CADM2: variants seen among roughly 807,000 people sequenced by gnomAD.
CADM2 encodes immunoglobulin superfamily member 4D.
CADM2 carries 12 observed loss-of-function variants against 49.8 expected under a neutral mutation model. The ratio of observed to expected loss-of-function variants is 0.24; its 90% CI spans 0.15 to 0.39. The LOEUF is 0.39. Among genes scored for constraint, CADM2 ranks in the 10% least tolerant of loss-of-function variants. The pLI, the probability that CADM2 is intolerant of heterozygous loss-of-function variation, is 1.00. For missense variants in CADM2, 378 were observed against 492.3 expected, an observed-to-expected ratio of 0.77 and a Z score of 2.20; for synonymous variants, 214 against 175.4, an observed-to-expected ratio of 1.22 and a Z score of -1.74.
At chr3:85,257,854 A>G (rs2042924412) in intron 1 of CADM2, among the ~76,000 whole-genome samples, 1 of 152,176 alleles carries the variant, frequency 6.6e-6, no homozygotes, top group Non-Finnish European at 1.5e-5. Context: ...GACACAAACC[A>G]AAATTAAAAT....
At chr3:85,497,400 T>G (rs2039949364) in intron 1 of CADM2, among the ~76,000 whole-genome samples, 1 of 152,144 alleles carries the variant, frequency 6.6e-6, no homozygotes, top group African/African-American at 2.4e-5. Flanking sequence ...ATTGGCCTCT[T>G]GCAGTAGCAG....
Position 85,034,790 on chromosome 3 carries a change from C to CTTTTT in CADM2, c.61+75142_61+75146dup, listed in dbSNP as rs1179967499. On this transcript the variant is annotated intron_variant, in intron 1 of 9. Coordinates refer to ENST00000383699, the MANE Select transcript of CADM2 (RefSeq NM_001167675.2). ...TATCTTTTAGATAAAAGACATTTTG[C>CTTTTT]TTTTTTTTTTTTTTTTTTTTTTTTA... 2.3e-3 allele frequency among the ~76,000 whole-genome samples: 191 copies of CTTTTT among 84,056 alleles called. 14 individuals carry two copies. The highest frequency in any genetic ancestry group is 9.8e-3 in the African/African-American group (181 of 18,498). The allele number at this position is 84,056 out of a possible 152,430, so 55.1% of individuals were successfully genotyped here. A position where few individuals can be genotyped will look rare whatever the true frequency, so the allele number is the denominator to read the frequency against.
chr3:85,622,458 T>C (rs369434574), intron 1 of CADM2, among the ~76,000 whole-genome samples: 5 of 152,288 alleles, frequency 3.3e-5, no homozygotes, highest in African/African-American at 1.2e-4. Flanking sequence ...TTAATGAACT[T>C]GTGATAATAG....
At chr3:85,477,316 G>A (rs1205068376) in intron 1 of CADM2, among the ~76,000 whole-genome samples, 3 of 150,114 alleles carry the variant, frequency 2.0e-5, no homozygotes, top group Non-Finnish European at 4.4e-5. Context: ...TCTATTAATA[G>A]TTCTTTACTT....
At chr3:85,107,570 TTC>T (rs1346428102) in intron 1 of CADM2, among the ~76,000 whole-genome samples, 7 of 123,984 alleles carry the variant, frequency 5.6e-5, no homozygotes, top group African/African-American at 1.7e-4. Context: ...TCTTCTCTCT[TTC>T]TCTCTTTCTT....
intron 6 of CADM2, among the ~76,000 whole-genome samples, chr3:85,933,638 A>G (rs1720863868): frequency 6.6e-6 from 1 of 152,158 alleles, no homozygotes; most frequent in East Asian, 1.9e-4. Flanking sequence ...CAAGATATGC[A>G]AAGTGAGTCA....
intron 1 of CADM2, among the ~76,000 whole-genome samples, chr3:85,390,047 A>G (rs2034443965): frequency 6.6e-6 from 1 of 152,076 alleles, no homozygotes; most frequent in South Asian, 2.1e-4. Context: ...TACATATAAG[A>G]AGGAATAAAA....
chr3:85,084,996 A>G (rs1267914261), intron 1 of CADM2, among the ~76,000 whole-genome samples: 6 of 152,140 alleles, frequency 3.9e-5, no homozygotes, highest in Non-Finnish European at 7.4e-5. Context: ...ATGTTTTGAT[A>G]TATGTTTACC....
At chr3:85,304,867 C>G (rs925365125) in intron 1 of CADM2, among the ~76,000 whole-genome samples, 1 of 151,674 alleles carries the variant, frequency 6.6e-6, no homozygotes. Flanking sequence ...AGGACATAGT[C>G]TTTTACTTAT....
chr3:84,998,161 T>C (rs749508743), intron 1 of CADM2, among the ~76,000 whole-genome samples: 1 of 152,146 alleles, frequency 6.6e-6, no homozygotes, highest in Non-Finnish European at 1.5e-5. Flanking sequence ...ACTTGAACTA[T>C]AGTAAGCTAT....
At chr3:85,661,083 C>A (rs1355635687) in intron 1 of CADM2, among the ~76,000 whole-genome samples, 1 of 152,106 alleles carries the variant, frequency 6.6e-6, no homozygotes. Flanking sequence ...TTAACCATTG[C>A]TGTGAACTTG....
At chr3:85,300,810 T>A (rs1052691508) in intron 1 of CADM2, among the ~76,000 whole-genome samples, 12 of 151,942 alleles carry the variant, frequency 7.9e-5, no homozygotes, top group Non-Finnish European at 1.6e-4. Context: ...GGATTGGGGG[T>A]CAAAGTGGGA....
chr3:85,958,294 G>A (rs1453021007), intron 7 of CADM2, among the ~76,000 whole-genome samples: 2 of 151,842 alleles, frequency 1.3e-5, no homozygotes, highest in African/African-American at 4.8e-5. Flanking sequence ...AAGTCAAGAA[G>A]CAATAGATGC....
intron 2 of CADM2, among the ~76,000 whole-genome samples, chr3:85,771,673 T>A (rs1346321942): frequency 6.6e-6 from 1 of 152,090 alleles, no homozygotes; most frequent in Non-Finnish European, 1.5e-5. Context: ...AAAGGGTCTC[T>A]CTTTGCAGGT....
intron 3 of CADM2, among the ~76,000 whole-genome samples, chr3:85,819,663 A>G (rs2073429944): frequency 6.6e-6 from 1 of 152,184 alleles, no homozygotes; most frequent in Non-Finnish European, 1.5e-5. Flanking sequence ...TTACAAATTC[A>G]AAAGAAATTA....
At chr3:85,423,777 T>C (rs113761633) in intron 1 of CADM2, among the ~76,000 whole-genome samples, 19 of 152,208 alleles carry the variant, frequency 1.2e-4, no homozygotes, top group African/African-American at 4.6e-4. Context: ...CTTAGTTTTA[T>C]TTCCTGCATT....
intron 1 of CADM2, among the ~76,000 whole-genome samples, chr3:84,967,392 A>G (rs1575936385): frequency 6.6e-6 from 1 of 152,176 alleles, no homozygotes; most frequent in South Asian, 2.1e-4. Context: ...GAAAGTGTCC[A>G]TGACATTCAT....
chr3:85,018,262 T>C (rs570975669), intron 1 of CADM2, among the ~76,000 whole-genome samples: 1 of 152,272 alleles, frequency 6.6e-6, no homozygotes, highest in Admixed American at 6.5e-5. Flanking sequence ...GCAAATTAAA[T>C]GAAAACAAAA....
intron 2 of CADM2, among the ~76,000 whole-genome samples, chr3:85,740,722 C>T (rs1465698887): frequency 2.6e-5 from 4 of 152,184 alleles, no homozygotes; most frequent in Non-Finnish European, 5.9e-5. Context: ...AGCTGGCTCC[C>T]TTCAATTAAT....
Sources: allele counts gnomAD v4.1 joint callset (sites outside exome capture counted in the v4.1 genomes callset), GRCh38; gene constraint gnomAD v4.1.1; transcripts MANE v1.5; gene names NCBI Gene and HGNC (gene_info 2026-07-23, HGNC 2026-07-21).